Variants in TNPO3 observed in about 807,000 individuals in gnomAD.
TNPO3 encodes transportin 3, also known as transportin-3.
TNPO3 carries 65 observed loss-of-function variants against 122.8 expected under a neutral mutation model. That is an observed-to-expected ratio of 0.53 (90% CI 0.43 to 0.65). The LOEUF (loss-of-function observed/expected upper bound fraction) is 0.65, where lower values mean the gene tolerates loss of function less well. TNPO3 is among the 30% of genes least tolerant of loss of function. The probability of loss-of-function intolerance (pLI) is 0.00; values close to 1 mark genes in which losing one functional copy is unlikely to be tolerated. For missense variants in TNPO3, 850 were observed against 1,136.7 expected (o/e 0.75, Z 3.63); for synonymous variants, 372 against 411.2 (o/e 0.90, Z 1.15).
At chr7:129,042,235 CAT>C (rs965726520) in intron 1 of TNPO3, among the ~76,000 whole-genome samples, 17 of 152,088 alleles carry the variant, frequency 1.1e-4, no homozygotes, top group Non-Finnish European at 1.8e-4. Flanking sequence ...TGAAAAGTAA[CAT>C]AAGTGTCAGG....
chr7:128,994,575 C>T (rs1328401106), intron 8 of TNPO3, among the ~76,000 whole-genome samples: 1 of 152,166 alleles, frequency 6.6e-6, no homozygotes. Context: ...AAGGTCAGCT[C>T]TTTAGTGACA....
chr7:128,984,319 G>C (rs1015860827), intron 12 of TNPO3, 60 bp from the exon 13 acceptor site: 24 of 1,198,604 alleles, frequency 2.0e-5, no homozygotes, highest in Non-Finnish European at 2.6e-5. Flanking sequence ...AACTTAACTG[G>C]ACTACATCAT....
intron 1 of TNPO3, among the ~76,000 whole-genome samples, chr7:129,019,144 C>A (rs1050131773): frequency 1.5e-4 from 23 of 152,172 alleles, no homozygotes; most frequent in Admixed American, 1.4e-3. Flanking sequence ...AAAATCTGCT[C>A]TCTAGTAGCC....
At chr7:128,986,668 G>A (rs995669252) in intron 12 of TNPO3, 61 bp downstream of exon 12, 13 of 1,461,084 alleles carry the variant, frequency 8.9e-6, no homozygotes, top group African/African-American at 1.4e-5. Context: ...TATGACAGAT[G>A]TAAGATTACC....
At chr7:129,008,653 T>C (rs1181819123) in intron 4 of TNPO3, among the ~76,000 whole-genome samples, 4 of 152,200 alleles carry the variant, frequency 2.6e-5, no homozygotes, top group Non-Finnish European at 5.9e-5. Context: ...AGGCTGAAAG[T>C]AGCAAAATGA....
At chr7:128,977,344 G>C (rs1468962272) in intron 16 of TNPO3, among the ~76,000 whole-genome samples, 1 of 152,234 alleles carries the variant, frequency 6.6e-6, no homozygotes, top group East Asian at 1.9e-4. Flanking sequence ...TTGCACTGAA[G>C]GGGACACTTG....
At chr7:128,984,371 T>C (rs1249808358) in intron 12 of TNPO3, 112 bp from the exon 13 acceptor site, 6 of 599,864 alleles carry the variant, frequency 1.0e-5, no homozygotes, top group Non-Finnish European at 1.4e-5. Context: ...TTCCATTCTT[T>C]TAAAAAGATC....
At chr7:129,014,950 C>A in intron 4 of TNPO3, 29 bp downstream of exon 4, 1 of 1,540,330 alleles carries the variant, frequency 6.5e-7, no homozygotes, top group Non-Finnish European at 8.7e-7. Flanking sequence ...TGCCTTTATG[C>A]AGCAACTTAG....
upstream of TNPO3, chr7:129,055,298 G>A (rs370237050): frequency 6.3e-6 from 1 of 157,960 alleles, no homozygotes; most frequent in Non-Finnish European, 1.4e-5. Context: ...TGGGACATTA[G>A]CGCCGAGATG....
intron 11 of TNPO3, among the ~76,000 whole-genome samples, chr7:128,987,972 C>T (rs1800343783): frequency 6.6e-6 from 1 of 151,488 alleles, no homozygotes; most frequent in Non-Finnish European, 1.5e-5. Flanking sequence ...ATAATAACAT[C>T]TTTTTTTTTC....
At chr7:128,991,297 G>A (rs142785225) in intron 10 of TNPO3, among the ~76,000 whole-genome samples, 55 of 152,290 alleles carry the variant, frequency 3.6e-4, no homozygotes, top group African/African-American at 1.3e-3. Context: ...AAGAAGCATT[G>A]TGCTTTTTAT....
intron 1 of TNPO3, among the ~76,000 whole-genome samples, chr7:129,053,883 C>A (rs947927775): frequency 6.6e-6 from 1 of 152,090 alleles, no homozygotes; most frequent in East Asian, 1.9e-4. Flanking sequence ...AAACATGAAT[C>A]AAAGAATGCA....
At chr7:129,032,720 G>C (rs903879505) in intron 1 of TNPO3, among the ~76,000 whole-genome samples, 1 of 152,216 alleles carries the variant, frequency 6.6e-6, no homozygotes, top group Non-Finnish European at 1.5e-5. Context: ...ACCAATAAAT[G>C]AAAGACATCT....
chr7:128,965,614 A>G, intron 21 of TNPO3, among the ~76,000 whole-genome samples: 1 of 152,372 alleles, frequency 6.6e-6, no homozygotes, highest in Non-Finnish European at 1.5e-5. Context: ...AAAAGAATTG[A>G]AAGCAGGGGC....
At chr7:128,990,339 A>G (rs1343404366) in intron 10 of TNPO3, 4 of 616,080 alleles carry the variant, frequency 6.5e-6, no homozygotes, top group South Asian at 2.0e-5. Flanking sequence ...GAATGCCAGT[A>G]AAGTGCCTAC....
chr7:129,020,918 A>G (rs1804416637), intron 1 of TNPO3, among the ~76,000 whole-genome samples: 1 of 152,156 alleles, frequency 6.6e-6, no homozygotes, highest in African/African-American at 2.4e-5. Context: ...CATCTGTAAG[A>G]CCTGTGTGGT....
intron 18 of TNPO3, among the ~76,000 whole-genome samples, 182 bp downstream of exon 18, chr7:128,974,686 C>T (rs113479686): frequency 1.3e-5 from 2 of 152,094 alleles, no homozygotes; most frequent in South Asian, 2.1e-4. Context: ...CCTTGCTTCC[C>T]GCAATACTCT....
intron 4 of TNPO3, among the ~76,000 whole-genome samples, chr7:129,010,881 G>A (rs1301895359): frequency 6.6e-6 from 1 of 151,922 alleles, no homozygotes; most frequent in Admixed American, 6.6e-5. Context: ...CAAGGAGAGA[G>A]GATCACTTGA....
chr7:128,993,845 A>G lies in TNPO3; in HGVS notation c.1228T>C (p.Leu410=). 6.2e-7 allele frequency: 1 copy of G among 1,614,136 alleles called. No individual in the cohort carries two copies. Among genetic ancestry groups the G allele is most frequent in the Non-Finnish European group, 8.5e-7 (1 of 1,180,014 alleles). The change falls in exon 9 of 23, where the codon TTG becomes CTG. Residue 410 remains leucine, a synonymous_variant. Coordinates refer to ENST00000265388, the MANE Select transcript of TNPO3 (RefSeq NM_012470.4). ...RMRVSDLVKD[L]IFLIGSMECF... Reference sequence around the variant, plus strand: ...TCCATAGACCCTATCAAGAAAATCAAGTCCTTTACCAGGTCTGATACCCTC... The same window carrying G: ...TCCATAGACCCTATCAAGAAAATCAGGTCCTTTACCAGGTCTGATACCCTC...
Sources: gnomAD v4.1 joint callset for allele counts (sites outside exome capture counted in the v4.1 genomes callset) on GRCh38, gnomAD v4.1.1 for gene constraint, MANE v1.5 for transcripts, NCBI Gene and HGNC (gene_info 2026-07-23, HGNC 2026-07-21) for gene names.